Variants in DIP2C observed in about 807,000 individuals in gnomAD.
DIP2C encodes disco-interacting protein 2 homolog C.
DIP2C carries 33 observed loss-of-function variants against 192.4 expected under a neutral mutation model. The ratio of observed to expected loss-of-function variants is 0.17; its 90% CI spans 0.13 to 0.23. The LOEUF is 0.23. DIP2C is among the 10% of genes least tolerant of loss of function. The pLI, the probability that DIP2C is intolerant of heterozygous loss-of-function variation, is 1.00. For missense variants in DIP2C, 1,537 were observed against 2,110.1 expected, an observed-to-expected ratio of 0.73 and a Z score of 5.32; for synonymous variants, 979 against 864.1, an observed-to-expected ratio of 1.13 and a Z score of -2.33.
intron 4 of DIP2C, among the ~76,000 whole-genome samples, chr10:437,140 C>A (rs183404998): frequency 6.9e-6 from 1 of 145,642 alleles, no homozygotes; most frequent in East Asian, 2.1e-4. Flanking sequence ...CACCTGAGCT[C>A]TGAGCTCCGC....
intron 19 of DIP2C, chr10:365,111 C>T (rs866660828): frequency 6.7e-6 from 3 of 445,514 alleles, no homozygotes; most frequent in Admixed American, 3.0e-5. Context: ...ACCAGAGAAA[C>T]GGAGATGGAG....
chr10:388,069 T>A (rs1211645665), intron 13 of DIP2C, among the ~76,000 whole-genome samples: 1 of 152,128 alleles, frequency 6.6e-6, no homozygotes, highest in South Asian at 2.1e-4. Flanking sequence ...CAGCGTTCCT[T>A]CTCCTTTTAT....
At chr10:477,169 C>T (rs1190077534) in intron 2 of DIP2C, among the ~76,000 whole-genome samples, 1 of 144,804 alleles carries the variant, frequency 6.9e-6, no homozygotes, top group East Asian at 2.0e-4. Flanking sequence ...GTCAAAGAAA[C>T]AGGCTTAGCA....
At chr10:588,731 G>A (rs1457692201) in intron 1 of DIP2C, among the ~76,000 whole-genome samples, 1 of 152,186 alleles carries the variant, frequency 6.6e-6, no homozygotes, top group East Asian at 1.9e-4. Flanking sequence ...CGGGGAGGGT[G>A]GTGCCTGAAC....
intron 26 of DIP2C, among the ~76,000 whole-genome samples, 198 bp from the exon 27 acceptor site, chr10:345,308 G>A (rs532088860): frequency 4.6e-4 from 70 of 152,252 alleles, no homozygotes; most frequent in Admixed American, 2.4e-3. Flanking sequence ...CAGGGCATGC[G>A]GCCTGAAGCT....
At chr10:355,568 A>G (rs1043905498) in intron 24 of DIP2C, among the ~76,000 whole-genome samples, 1 of 152,238 alleles carries the variant, frequency 6.6e-6, no homozygotes, top group African/African-American at 2.4e-5. Flanking sequence ...TTCCATGGTA[A>G]AAAGTAGTAA....
chr10:506,860 G>A (rs1845624666), intron 1 of DIP2C, among the ~76,000 whole-genome samples: 2 of 152,236 alleles, frequency 1.3e-5, no homozygotes, highest in African/African-American at 4.8e-5. Context: ...GAGGTGTGAG[G>A]TTATGGACAT....
At chr10:565,340 C>T (rs1355331642) in intron 1 of DIP2C, among the ~76,000 whole-genome samples, 3 of 122,752 alleles carry the variant, frequency 2.4e-5, no homozygotes, top group South Asian at 2.3e-4. Flanking sequence ...AAATATGAAA[C>T]AGTACCTGCA....
In DIP2C at chr10:328,840, C is replaced by T. The variant is rs534534191; in HGVS notation, c.3753+593G>A. ...TCAAAACTGGTCAGATGATTATTCC[C>T]TCCTAGTTACTTGGAGCTAAGGACT... On this transcript the variant is annotated intron_variant, in intron 30 of 36. Transcript: ENST00000280886. Among the ~76,000 whole-genome samples the T allele has an allele frequency of 5.9e-5, 9 of 152,290 alleles. No individual in the cohort carries two copies. In the South Asian group the frequency reaches 1.9e-3, roughly 32 times the overall value.
intron 1 of DIP2C, among the ~76,000 whole-genome samples, chr10:514,729 C>T (rs1333488262): frequency 2.0e-5 from 3 of 152,156 alleles, no homozygotes; most frequent in African/African-American, 4.8e-5. Context: ...CTGCTCCCTG[C>T]GTCCGGCTTG....
chr10:522,454 G>A (rs1564816150), intron 1 of DIP2C, among the ~76,000 whole-genome samples: 1 of 152,352 alleles, frequency 6.6e-6, no homozygotes, highest in East Asian at 1.9e-4. Context: ...GGTTGCTCCT[G>A]TGGTCGGAGT....
intron 1 of DIP2C, among the ~76,000 whole-genome samples, chr10:496,745 T>C (rs927346745): frequency 1.3e-5 from 2 of 150,714 alleles, no homozygotes; most frequent in African/African-American, 4.9e-5. Flanking sequence ...TGCCCTCCCA[T>C]GTACTTAAAT....
At chr10:619,685 C>T (rs937061395) in intron 1 of DIP2C, among the ~76,000 whole-genome samples, 13 of 152,170 alleles carry the variant, frequency 8.5e-5, no homozygotes, top group African/African-American at 4.8e-5. Flanking sequence ...ACTCATGGGC[C>T]ATGGACCACT....
At chr10:603,684 G>C (rs1416762967) in intron 1 of DIP2C, among the ~76,000 whole-genome samples, 1 of 152,186 alleles carries the variant, frequency 6.6e-6, no homozygotes, top group African/African-American at 2.4e-5. Context: ...TGATACAACA[G>C]GGTTACTTTT....
At chr10:592,736 A>AT (rs2097788589) in intron 1 of DIP2C, among the ~76,000 whole-genome samples, 1 of 152,130 alleles carries the variant, frequency 6.6e-6, no homozygotes, top group Admixed American at 6.5e-5. Flanking sequence ...AAAATGTGAA[A>AT]TTTTTCCCAA....
intron 3 of DIP2C, among the ~76,000 whole-genome samples, chr10:464,431 A>G (rs554670442): frequency 1.3e-5 from 2 of 152,348 alleles, no homozygotes; most frequent in Non-Finnish European, 2.9e-5. Context: ...AATGCAAATC[A>G]AAACCACAAT....
chr10:444,444 C>T (rs1967993612), intron 3 of DIP2C, among the ~76,000 whole-genome samples: 1 of 151,422 alleles, frequency 6.6e-6, no homozygotes, highest in Non-Finnish European at 1.5e-5. Context: ...CATGTAGATT[C>T]TCCATCATCA....
intron 10 of DIP2C, among the ~76,000 whole-genome samples, chr10:397,849 T>G (rs1335535012): frequency 1.3e-5 from 2 of 152,092 alleles, no homozygotes; most frequent in African/African-American, 4.8e-5. Context: ...CCAAGGACAT[T>G]CCAAAGTTAA....
chr10:395,118 G>A (rs1464526317), intron 10 of DIP2C, among the ~76,000 whole-genome samples: 4 of 128,898 alleles, frequency 3.1e-5, no homozygotes, highest in Non-Finnish European at 6.7e-5. Flanking sequence ...AGGAGTTGGG[G>A]GGAGGGAGGA....
Sources: gnomAD v4.1 joint callset for allele counts (sites outside exome capture counted in the v4.1 genomes callset) on GRCh38, gnomAD v4.1.1 for gene constraint, MANE v1.5 for transcripts, NCBI Gene and HGNC (gene_info 2026-07-23, HGNC 2026-07-21) for gene names.